The following EML6 variants were observed in gnomAD, a reference collection of about 807,000 sequenced individuals.
EML6 encodes EMAP like 6.
EML6 carries 154 observed loss-of-function variants against 240.1 expected under a neutral mutation model. That is an observed-to-expected ratio of 0.64 (90% CI 0.56 to 0.73). The LOEUF (loss-of-function observed/expected upper bound fraction) is 0.73, where lower values mean the gene tolerates loss of function less well. Ranked by LOEUF, EML6 falls within the 30% of genes least tolerant of loss-of-function variation. EML6 has a pLI of 0.00. For synonymous variants in EML6, 1,148 were observed against 899.0 expected (o/e 1.28, Z -4.95); for missense variants, 2,964 against 2,474.6 (o/e 1.20, Z -4.20).
At chr2:54,916,154 T>A (rs73938660) in intron 25 of EML6, among the ~76,000 whole-genome samples, 52 of 152,370 alleles carry the variant, frequency 3.4e-4, no homozygotes, top group African/African-American at 1.1e-3. Context: ...CAGAATCTTA[T>A]TACTTTTTCC....
intron 28 of EML6, among the ~76,000 whole-genome samples, chr2:54,935,298 C>G (rs997983115): frequency 1.3e-5 from 2 of 152,148 alleles, no homozygotes; most frequent in Admixed American, 6.6e-5. Flanking sequence ...TACACATAAG[C>G]TGGAGATTTG....
intron 38 of EML6, among the ~76,000 whole-genome samples, chr2:54,965,766 CG>C: frequency 6.6e-6 from 1 of 152,292 alleles, no homozygotes; most frequent in African/African-American, 2.4e-5. Context: ...ATATCTCAAG[CG>C]CTGAATTTAG....
rs140582716 is a variant in EML6, at chr2:54,966,661, G to A, written c.5494-339G>A. ...AGAGACTGCTGGGCCCCACCCTTTC[G>A]GTGTCTGTCTGGGTAGGTTTGGGGT... On this transcript the variant is annotated intron_variant, in intron 38 of 41. Transcript: ENST00000356458. 4.8e-3 allele frequency: 796 copies of A among 166,792 alleles called. 2 individuals are homozygous for A. Among genetic ancestry groups the A allele is most frequent in the Admixed American group, 9.5e-3 (154 of 16,260 alleles). The allele number at this position is 166,792 out of a possible 1,614,324, so 10.3% of individuals were successfully genotyped here.
chr2:54,905,140 T>C (rs1673253844), intron 24 of EML6, among the ~76,000 whole-genome samples: 1 of 152,130 alleles, frequency 6.6e-6, no homozygotes, highest in Non-Finnish European at 1.5e-5. Context: ...CCGGCATTTA[T>C]GACCAGGCAG....
chr2:54,830,289 A>C (rs1668802357), intron 7 of EML6, among the ~76,000 whole-genome samples: 1 of 152,204 alleles, frequency 6.6e-6, no homozygotes, highest in Non-Finnish European at 1.5e-5. Context: ...CGCTAAGCAC[A>C]GGTTGGGAGG....
At chr2:54,937,022 G>A (rs1301309034) in intron 28 of EML6, among the ~76,000 whole-genome samples, 2 of 142,032 alleles carry the variant, frequency 1.4e-5, no homozygotes, top group Non-Finnish European at 3.0e-5. Context: ...GCTCACGCCT[G>A]TAATCCCAGC....
At chr2:54,950,557 G>A (rs1441446116) in intron 29 of EML6, 93 bp from the exon 30 acceptor site, 7 of 1,414,772 alleles carry the variant, frequency 4.9e-6, no homozygotes, top group Non-Finnish European at 6.7e-6. Context: ...ACCGTTCCTG[G>A]GACACACGAG....
chr2:54,962,204 CTAA>C (rs564130146), intron 35 of EML6, among the ~76,000 whole-genome samples: 2 of 150,638 alleles, frequency 1.3e-5, no homozygotes, highest in African/African-American at 4.9e-5. Flanking sequence ...CCAAGTTTTT[CTAA>C]TAATAGTGGT....
intron 2 of EML6, among the ~76,000 whole-genome samples, chr2:54,809,950 TG>T (rs35369520): frequency 6.6e-6 from 1 of 151,912 alleles, no homozygotes; most frequent in African/African-American, 2.4e-5. Context: ...GGAAGCCTGA[TG>T]GGAAAGGTAA....
At chr2:54,889,883 T>G (rs1448673151) in intron 17 of EML6, among the ~76,000 whole-genome samples, 3 of 152,216 alleles carry the variant, frequency 2.0e-5, no homozygotes, top group East Asian at 3.8e-4. Flanking sequence ...CACACAAATA[T>G]GACGAATAAG....
intron 36 of EML6, 139 bp downstream of exon 36, chr2:54,962,850 G>T (rs963339033): frequency 3.2e-5 from 18 of 564,414 alleles, no homozygotes; most frequent in African/African-American, 3.1e-4. Flanking sequence ...AAAACCTAAC[G>T]ATAAAAGAAG....
chr2:54,914,577 G>A (rs1428494362), intron 25 of EML6, among the ~76,000 whole-genome samples: 1 of 151,590 alleles, frequency 6.6e-6, no homozygotes, highest in African/African-American at 2.4e-5. Flanking sequence ...GAGTTAATTT[G>A]TTACCCTGTG....
intron 7 of EML6, among the ~76,000 whole-genome samples, chr2:54,830,366 C>T (rs1266452536): frequency 6.6e-6 from 1 of 152,138 alleles, no homozygotes; most frequent in African/African-American, 2.4e-5. Flanking sequence ...GTACTGTGAG[C>T]CATGGGGGTC....
intron 26 of EML6, among the ~76,000 whole-genome samples, chr2:54,918,042 G>A (rs538471730): frequency 2.6e-5 from 4 of 152,058 alleles, no homozygotes; most frequent in African/African-American, 4.8e-5. Context: ...AATCATAGAC[G>A]TCAATCTCAA....
chr2:54,823,507 C>G (rs1363428918), intron 5 of EML6, among the ~76,000 whole-genome samples: 1 of 152,140 alleles, frequency 6.6e-6, no homozygotes, highest in Non-Finnish European at 1.5e-5. Context: ...ACAAAATAAA[C>G]TAGCCAATAA....
intron 28 of EML6, among the ~76,000 whole-genome samples, chr2:54,936,968 CTTTTTTTT>C (rs141307785): frequency 2.3e-5 from 3 of 132,610 alleles, no homozygotes; most frequent in African/African-American, 8.5e-5. Context: ...TCATGTCTCT[CTTTTTTTT>C]TTTTTTTTTT....
chr2:54,909,685 A>C (rs906782859), intron 24 of EML6, among the ~76,000 whole-genome samples: 3 of 151,996 alleles, frequency 2.0e-5, no homozygotes, highest in Admixed American at 2.0e-4. Flanking sequence ...GTCTCTACTA[A>C]AAAATAGAAT....
chr2:54,868,219 G>A lies in EML6; in HGVS notation c.2052-962G>A, dbSNP rs538855161. 2.0e-5 allele frequency: 3 copies of A among 152,170 alleles called. No individual in the cohort carries two copies. The East Asian group carries it at 5.8e-4, about 29-fold the overall frequency. The allele number at this position is 152,170 out of a possible 1,614,324, so 9.4% of individuals were successfully genotyped here. ...ACAAATTTTTAATTAGGAGGATCAT[G>A]TTATTTTTCTGTTAGTGTTGCTCCA... On this transcript the variant is annotated intron_variant, in intron 14 of 41. Coordinates refer to ENST00000356458, the MANE Select transcript of EML6 (RefSeq NM_001039753.4).
In EML6 at chr2:54,957,717, TC is replaced by T; in HGVS notation, c.4487-71del. ...GCTTACGCCTGCTGGGGTGGAGACC[TC>T]CTGGGCTGCGGCTCCCCCGGCCTGG... is the stretch of plus-strand genomic sequence containing the variant. On this transcript the variant is annotated intron_variant, in intron 32 of 41. Transcript: ENST00000356458. The T allele has an allele frequency of 8.5e-6, 12 of 1,405,242 alleles. No homozygotes were observed. In the South Asian group the frequency reaches 1.4e-4, roughly 16 times the overall value. 87.0% of individuals were successfully genotyped at this position (1,405,242 alleles called of 1,614,324 possible). A position where few individuals can be genotyped will look rare whatever the true frequency, so the allele number is the denominator to read the frequency against.
Sources: gnomAD v4.1 joint callset for allele counts (sites outside exome capture counted in the v4.1 genomes callset) on GRCh38, gnomAD v4.1.1 for gene constraint, MANE v1.5 for transcripts, NCBI Gene and HGNC (gene_info 2026-07-23, HGNC 2026-07-21) for gene names.